ITPR1: variants seen among roughly 807,000 people sequenced by gnomAD.
The protein encoded by ITPR1 is inositol 1,4,5-trisphosphate-gated calcium channel ITPR1.
Under a neutral mutation model 318.4 loss-of-function variants are expected in ITPR1, and 96 were observed. That is an observed-to-expected ratio of 0.30 (90% CI 0.26 to 0.36). The LOEUF is 0.36. Ranked by LOEUF, ITPR1 falls within the 10% of genes least tolerant of loss-of-function variation. The probability of loss-of-function intolerance (pLI) is 1.00; values close to 1 mark genes in which losing one functional copy is unlikely to be tolerated. For missense variants in ITPR1, 2,440 were observed against 3,460.2 expected (o/e 0.71, Z 7.40); for synonymous variants, 1,312 against 1,289.9 (o/e 1.02, Z -0.37).
Position 4,631,570 on chromosome 3 carries a change from C to A in ITPR1, c.279+3692C>A, listed in dbSNP as rs115950995. 9.4e-3 allele frequency among the ~76,000 whole-genome samples: 1,424 copies of A among 151,596 alleles called. 16 individuals carry two copies. The highest frequency in any genetic ancestry group is 0.033 in the African/African-American group (1,348 of 41,334). ...TTTGGGGATTTTGGTCTTTTTTGAC[C>A]TTTGGGGATTTTAACATTTGGGATT... On this transcript the variant is annotated intron_variant, in intron 5 of 61. Coordinates refer to ENST00000649015, the MANE Select transcript of ITPR1 (RefSeq NM_001378452.1).
chr3:4,597,816 C>T (rs1021602458), intron 4 of ITPR1, among the ~76,000 whole-genome samples: 2 of 152,168 alleles, frequency 1.3e-5, no homozygotes, highest in African/African-American at 2.4e-5. Context: ...CTTGGCAGAC[C>T]ATTCCTGGCT....
chr3:4,810,345 T>G (rs2048854106), intron 55 of ITPR1, among the ~76,000 whole-genome samples: 1 of 152,156 alleles, frequency 6.6e-6, no homozygotes, highest in Non-Finnish European at 1.5e-5. Flanking sequence ...ATTCTCCCAG[T>G]CAAGTATCTG....
At chr3:4,616,725 G>T (rs1487736377) in intron 4 of ITPR1, among the ~76,000 whole-genome samples, 1 of 152,160 alleles carries the variant, frequency 6.6e-6, no homozygotes, top group Non-Finnish European at 1.5e-5. Flanking sequence ...CCAGAGTGTT[G>T]CCTGGGGTGT....
At chr3:4,511,032 A>G (rs1024526522) in intron 2 of ITPR1, among the ~76,000 whole-genome samples, 1 of 152,048 alleles carries the variant, frequency 6.6e-6, no homozygotes, top group Admixed American at 6.5e-5. Context: ...AGGCAGGTAA[A>G]TTCTTTTTGG....
intron 35 of ITPR1, among the ~76,000 whole-genome samples, chr3:4,701,613 G>A (rs1196777996): frequency 6.6e-6 from 1 of 152,202 alleles, no homozygotes; most frequent in Non-Finnish European, 1.5e-5. Flanking sequence ...AGAGCATGGA[G>A]GTTTGCCATC....
intron 4 of ITPR1, among the ~76,000 whole-genome samples, chr3:4,562,087 T>TTAAA (rs35311121): frequency 0.68 from 101,534 of 148,836 alleles, 34,725 homozygotes; most frequent in Admixed American, 0.72. Flanking sequence ...GCTTATGAGC[T>TTAAA]TAAATAAATA....
chr3:4,801,830 A>C (rs1461744178), intron 54 of ITPR1, among the ~76,000 whole-genome samples: 1 of 152,238 alleles, frequency 6.6e-6, no homozygotes, highest in Non-Finnish European at 1.5e-5. Context: ...GGATCTGGCC[A>C]TGAAGCGGGG....
intron 41 of ITPR1, among the ~76,000 whole-genome samples, chr3:4,726,873 G>A (rs143022196): frequency 6.6e-6 from 1 of 152,242 alleles, no homozygotes. Context: ...AATAAATTAT[G>A]TTGGCCAAAA....
At position 4,673,318 on chromosome 3, in the gene ITPR1, A is replaced by G; in HGVS notation, c.2387A>G (p.Gln796Arg). 6.2e-7 allele frequency: 1 copy of G among 1,613,838 alleles called. No homozygotes were observed. The highest frequency in any genetic ancestry group is 8.5e-7 in the Non-Finnish European group (1 of 1,179,788). ...MLHMHVDRDP[Q>R]EQVTPVKYAR... is the part of the protein sequence containing the mutation. ...CACATGCATGTGGACCGAGATCCCC[A>G]GGAACAAGTCACCCCCGTGAAATAT... The change falls in exon 21 of 62, where the codon CAG becomes CGG. Residue 796 changes from glutamine to arginine, a missense_variant. By Grantham distance (43) the Gln-to-Arg change is conservative. This residue lies in a region of ITPR1 where 478 missense variants were observed against 696.3 expected (regional missense o/e 0.69). Coordinates refer to ENST00000649015, the MANE Select transcript of ITPR1 (RefSeq NM_001378452.1).
intron 4 of ITPR1, among the ~76,000 whole-genome samples, chr3:4,584,104 C>T (rs537005869): frequency 3.9e-5 from 6 of 152,196 alleles, no homozygotes; most frequent in Admixed American, 2.6e-4. Context: ...ATTTTGCTCA[C>T]GTTAAATTTG....
At chr3:4,843,984 T>C (rs963939402) in intron 61 of ITPR1, among the ~76,000 whole-genome samples, 1 of 152,144 alleles carries the variant, frequency 6.6e-6, no homozygotes, top group African/African-American at 2.4e-5. Flanking sequence ...CAAATACAAG[T>C]AGTTATTTAA....
rs2051777987 is a variant in ITPR1 at position 4,846,324 on chromosome 3, T to C, written c.*99T>C. On this transcript the variant is annotated 3_prime_UTR_variant, in exon 62 of 62. Coordinates refer to ENST00000649015, the MANE Select transcript of ITPR1 (RefSeq NM_001378452.1). ...TCACCCACGAAGGTTACATTTATGC[T>C]GAATACATTTGTAAATACTCAGTTT... The C allele has an allele frequency of 2.8e-6, 2 of 724,932 alleles. No individual in the cohort carries two copies. Among genetic ancestry groups the C allele is most frequent in the South Asian group, 3.6e-5 (2 of 55,206 alleles). The allele number at this position is 724,932 out of a possible 1,614,324, so 44.9% of individuals were successfully genotyped here. A position where few individuals can be genotyped will look rare whatever the true frequency, so the allele number is the denominator to read the frequency against.
At chr3:4,654,627 A>G (rs1360363149) in intron 12 of ITPR1, among the ~76,000 whole-genome samples, 2 of 152,206 alleles carry the variant, frequency 1.3e-5, no homozygotes, top group East Asian at 3.8e-4. Context: ...TGTGTCTGAC[A>G]TGTGTGTCTA....
intron 4 of ITPR1, among the ~76,000 whole-genome samples, chr3:4,611,403 T>C (rs1479003365): frequency 6.6e-6 from 1 of 151,284 alleles, no homozygotes; most frequent in Non-Finnish European, 1.5e-5. Flanking sequence ...TTACTAAAAT[T>C]AGAGAATTTA....
rs1379458549 is a variant in ITPR1 at position 4,766,548 on chromosome 3, T to C, written c.5563T>C (p.Leu1855=). The C allele has an allele frequency of 6.2e-7, 1 of 1,613,678 alleles. No individual in the cohort carries two copies. Among genetic ancestry groups the C allele is most frequent in the Admixed American group, 1.7e-5 (1 of 59,996 alleles). Residue 1855 remains leucine (L), a synonymous_variant, in exon 45 of 62, where the codon TTG becomes CTG. Transcript: ENST00000649015. The stretch of plus-strand genomic sequence containing the variant: ...TTTGCAGCACTCCTTTTTCTGTCGC[T>C]TGACAGAAGATAAGAAGTCAGAGAA... ...TTIQHSFFCR[L]TEDKKSEKFF...
At chr3:4,813,845 G>C (rs2049100073) in intron 57 of ITPR1, among the ~76,000 whole-genome samples, 1 of 152,220 alleles carries the variant, frequency 6.6e-6, no homozygotes, top group Admixed American at 6.5e-5. Flanking sequence ...GTCAGGGGTT[G>C]TTGGAAGATG....
At chr3:4,596,261 G>A (rs1392474003) in intron 4 of ITPR1, 2 of 152,060 alleles carry the variant, frequency 1.3e-5, no homozygotes, top group Non-Finnish European at 2.9e-5. Flanking sequence ...TAAACGGTCT[G>A]ACTTTATGGT....
intron 4 of ITPR1, among the ~76,000 whole-genome samples, chr3:4,600,496 G>A (rs2091190623): frequency 6.6e-6 from 1 of 151,944 alleles, no homozygotes; most frequent in Non-Finnish European, 1.5e-5. Flanking sequence ...GTGTGTGTGT[G>A]TGTGCGTGTT....
intron 30 of ITPR1, among the ~76,000 whole-genome samples, chr3:4,688,225 C>T (rs1475699295): frequency 2.0e-5 from 3 of 151,120 alleles, no homozygotes; most frequent in Non-Finnish European, 3.0e-5. Flanking sequence ...AGTTTCAGTC[C>T]TTGCTGGATA....
Sources: allele counts gnomAD v4.1 joint callset (sites outside exome capture counted in the v4.1 genomes callset), GRCh38; gene constraint gnomAD v4.1.1; regional missense constraint gnomAD v4.1.1; transcripts MANE v1.5; gene names NCBI Gene and HGNC (gene_info 2026-07-23, HGNC 2026-07-21).